Variants in GFRA1 observed in about 807,000 individuals in gnomAD.
The protein encoded by GFRA1 is GDNF family receptor alpha 1, also known as GDNF family receptor alpha-1.
GFRA1 carries 16 observed loss-of-function variants against 51.6 expected under a neutral mutation model. The observed-to-expected ratio is 0.31, with a 90% CI of 0.21 to 0.47. The LOEUF (loss-of-function observed/expected upper bound fraction) is 0.47, where lower values mean the gene tolerates loss of function less well. GFRA1 is among the 20% of genes least tolerant of loss of function. The probability of loss-of-function intolerance (pLI) is 1.00; values close to 1 mark genes in which losing one functional copy is unlikely to be tolerated. For missense variants in GFRA1, 530 were observed against 594.3 expected (o/e 0.89, Z 1.13); for synonymous variants, 270 against 241.3 (o/e 1.12, Z -1.10).
intron 4 of GFRA1, among the ~76,000 whole-genome samples, chr10:116,227,203 A>T (rs1251833731): frequency 6.6e-6 from 1 of 152,206 alleles, no homozygotes; most frequent in Non-Finnish European, 1.5e-5. Flanking sequence ...CAAAGAGAGG[A>T]AACAGAAATG....
intron 4 of GFRA1, among the ~76,000 whole-genome samples, chr10:116,229,949 T>C (rs930070231): frequency 3.9e-5 from 6 of 152,156 alleles, no homozygotes; most frequent in Admixed American, 3.9e-4. Flanking sequence ...TTGGGGAGCT[T>C]CCTTCTCCAT....
intron 5 of GFRA1, among the ~76,000 whole-genome samples, chr10:116,153,523 A>G (rs1162148151): frequency 6.6e-6 from 1 of 152,236 alleles, no homozygotes; most frequent in African/African-American, 2.4e-5. Flanking sequence ...TGGTTTAGAA[A>G]TTAAACCACC....
intron 5 of GFRA1, among the ~76,000 whole-genome samples, chr10:116,154,107 A>C (rs1433575110): frequency 1.3e-5 from 2 of 152,200 alleles, no homozygotes; most frequent in Non-Finnish European, 2.9e-5. Flanking sequence ...GAGTGTGTCC[A>C]TCCATCACTC....
chr10:116,097,149 C>A, intron 6 of GFRA1, among the ~76,000 whole-genome samples: 1 of 152,186 alleles, frequency 6.6e-6, no homozygotes, highest in Non-Finnish European at 1.5e-5. Flanking sequence ...GAGATCCACA[C>A]TGGGAAAATA....
chr10:116,260,864 G>A (rs989535072), intron 4 of GFRA1, among the ~76,000 whole-genome samples: 2 of 152,092 alleles, frequency 1.3e-5, no homozygotes, highest in South Asian at 4.1e-4. Context: ...ATTACAGGAA[G>A]TGGTAAGCTC....
intron 4 of GFRA1, among the ~76,000 whole-genome samples, chr10:116,248,233 A>G (rs1249269226): frequency 1.3e-5 from 2 of 152,180 alleles, no homozygotes; most frequent in Non-Finnish European, 2.9e-5. Context: ...AGAGCTGGAG[A>G]TCACAGGTTC....
At chr10:116,251,990 T>TTTTTTTTTTA (rs1968412064) in intron 4 of GFRA1, among the ~76,000 whole-genome samples, 1 of 111,868 alleles carries the variant, frequency 8.9e-6, no homozygotes, top group Non-Finnish European at 1.9e-5. Flanking sequence ...TTTTTTTTTT[T>TTTTTTTTTTA]ACAATTACCA....
At chr10:116,099,703 T>C (rs772108385) in intron 6 of GFRA1, among the ~76,000 whole-genome samples, 3 of 152,220 alleles carry the variant, frequency 2.0e-5, no homozygotes, top group East Asian at 1.9e-4. Context: ...AGTGCCATGA[T>C]ATAATGATGA....
chr10:116,123,893 G>A (rs2134016031), intron 6 of GFRA1, among the ~76,000 whole-genome samples: 1 of 152,276 alleles, frequency 6.6e-6, no homozygotes, highest in East Asian at 1.9e-4. Context: ...CTATATTGCT[G>A]TTTGTGGTTT....
In GFRA1 at chr10:116,096,722, T is replaced by C; in HGVS notation, c.813A>G (p.Ser271=). ...ADFFTNCQPE[S]RSVSSCLKEN... Reference sequence around the variant, plus strand: ...CCTTTAGACAGCTGCTGACAGACCTTGACTCTGGCTGGCAGTTGGTAAAAA... The same window carrying C: ...CCTTTAGACAGCTGCTGACAGACCTCGACTCTGGCTGGCAGTTGGTAAAAA... Residue 271 remains serine (S), a synonymous_variant, in exon 7 of 11, where the codon TCA becomes TCG. Transcript: ENST00000355422. 6.2e-7 allele frequency: 1 copy of C among 1,613,046 alleles called. No individual in the cohort carries two copies.
intron 6 of GFRA1, among the ~76,000 whole-genome samples, chr10:116,106,485 C>T (rs556215734): frequency 4.6e-5 from 7 of 152,322 alleles, no homozygotes; most frequent in Admixed American, 1.3e-4. Context: ...CACGCTGAAA[C>T]GTGATCCCCA....
At chr10:116,256,571 G>A (rs1968873210) in intron 4 of GFRA1, among the ~76,000 whole-genome samples, 1 of 152,138 alleles carries the variant, frequency 6.6e-6, no homozygotes, top group South Asian at 2.1e-4. Flanking sequence ...GAGCTGCATA[G>A]GCACTCCCAG....
At position 116,063,572 on chromosome 10, in the gene GFRA1, C is replaced by A. The variant is rs1954928610; in HGVS notation, c.*826G>T. The A allele has an allele frequency of 6.6e-6, 1 of 152,052 alleles. No individual in the cohort carries two copies. Among genetic ancestry groups the A allele is most frequent in the Admixed American group, 6.5e-5 (1 of 15,272 alleles). 9.4% of individuals were successfully genotyped at this position (152,052 alleles called of 1,614,324 possible). A position where few individuals can be genotyped will look rare whatever the true frequency, so the allele number is the denominator to read the frequency against. Reference sequence around the variant, plus strand: ...TAGTAAAATTTTTTTCTACATATAACCTCATATGTGTAAAGAGTATTAGAG... The same window carrying A: ...TAGTAAAATTTTTTTCTACATATAAACTCATATGTGTAAAGAGTATTAGAG... On this transcript the variant is annotated 3_prime_UTR_variant, in exon 11 of 11. Coordinates refer to ENST00000355422, the MANE Select transcript of GFRA1 (RefSeq NM_005264.8).
intron 9 of GFRA1, among the ~76,000 whole-genome samples, chr10:116,067,831 G>A (rs1955184188): frequency 1.3e-5 from 2 of 152,150 alleles, no homozygotes; most frequent in South Asian, 2.1e-4. Flanking sequence ...TAAACTCCAA[G>A]GATCTTGTCT....
intron 5 of GFRA1, among the ~76,000 whole-genome samples, chr10:116,207,596 G>A (rs1290823009): frequency 6.7e-6 from 1 of 148,168 alleles, no homozygotes; most frequent in Non-Finnish European, 1.5e-5. Flanking sequence ...ACTCAGCTGA[G>A]GCTTAAAAAT....
At chr10:116,207,397 G>A (rs1026493876) in intron 5 of GFRA1, among the ~76,000 whole-genome samples, 1 of 152,176 alleles carries the variant, frequency 6.6e-6, no homozygotes, top group Non-Finnish European at 1.5e-5. Flanking sequence ...GGCTTCTCTA[G>A]AAAATCCTGG....
chr10:116,149,490 C>T (rs1042620795), intron 5 of GFRA1, among the ~76,000 whole-genome samples: 1 of 152,174 alleles, frequency 6.6e-6, no homozygotes. Flanking sequence ...AAACTGCTCA[C>T]TACACACTGG....
chr10:116,192,562 CCA>C (rs1963366710), intron 5 of GFRA1, among the ~76,000 whole-genome samples: 1 of 152,186 alleles, frequency 6.6e-6, no homozygotes, highest in East Asian at 1.9e-4. Flanking sequence ...GAGGCTGAAT[CCA>C]CAGAGTCAAA....
At chr10:116,110,654 AG>A (rs1371071558) in intron 6 of GFRA1, among the ~76,000 whole-genome samples, 1 of 152,188 alleles carries the variant, frequency 6.6e-6, no homozygotes, top group Non-Finnish European at 1.5e-5. Context: ...GTTCATCTTC[AG>A]CTTTGTAGCC....
Sources: gnomAD v4.1 joint callset for allele counts (sites outside exome capture counted in the v4.1 genomes callset) on GRCh38, gnomAD v4.1.1 for gene constraint, MANE v1.5 for transcripts, NCBI Gene and HGNC (gene_info 2026-07-23, HGNC 2026-07-21) for gene names.